Variants in GAB2 observed in about 807,000 individuals in gnomAD.
The protein encoded by GAB2 is GRB2 associated binding protein 2, also known as GRB2-associated-binding protein 2.
GAB2 carries 26 observed loss-of-function variants against 65.5 expected under a neutral mutation model. The ratio of observed to expected loss-of-function variants is 0.40; its 90% CI spans 0.29 to 0.55. The LOEUF (loss-of-function observed/expected upper bound fraction) is 0.55. GAB2 is among the 20% of genes least tolerant of loss of function. The pLI is 0.53. For missense variants in GAB2, 884 were observed against 875.8 expected (o/e 1.01, Z -0.12); for synonymous variants, 321 against 329.6 (o/e 0.97, Z 0.28).
chr11:78,405,354 C>A (rs1403121447), intron 1 of GAB2, among the ~76,000 whole-genome samples: 1 of 152,136 alleles, frequency 6.6e-6, no homozygotes, highest in East Asian at 1.9e-4. Flanking sequence ...CTGCCTCGGC[C>A]TCCCAAAGTG....
At chr11:78,358,936 T>A (rs1856397587) in intron 1 of GAB2, among the ~76,000 whole-genome samples, 1 of 152,034 alleles carries the variant, frequency 6.6e-6, no homozygotes, top group Admixed American at 6.5e-5. Context: ...CCAAACTGAA[T>A]GTCCAAAAAT....
intron 1 of GAB2, among the ~76,000 whole-genome samples, chr11:78,352,800 A>G (rs1024069138): frequency 6.6e-6 from 1 of 152,216 alleles, no homozygotes; most frequent in African/African-American, 2.4e-5. Context: ...AAGAATGCTG[A>G]AACTTCCAGC....
intron 3 of GAB2, among the ~76,000 whole-genome samples, chr11:78,231,555 G>A (rs898832675): frequency 1.2e-4 from 19 of 152,058 alleles, no homozygotes; most frequent in African/African-American, 3.9e-4. Context: ...TCATCATATC[G>A]GCCATGCTGG....
At chr11:78,299,191 T>G (rs1866922333) in intron 1 of GAB2, among the ~76,000 whole-genome samples, 1 of 152,224 alleles carries the variant, frequency 6.6e-6, no homozygotes, top group South Asian at 2.1e-4. Flanking sequence ...ACTAGAGGAA[T>G]AAATGTATCA....
At chr11:78,246,658 C>T (rs535188901) in intron 3 of GAB2, among the ~76,000 whole-genome samples, 36 of 152,102 alleles carry the variant, frequency 2.4e-4, no homozygotes, top group African/African-American at 8.0e-4. Context: ...ACTACCAAGC[C>T]CAGCTAATTT....
intron 1 of GAB2, among the ~76,000 whole-genome samples, chr11:78,333,777 C>T (rs1855954224): frequency 6.6e-6 from 1 of 152,180 alleles, no homozygotes; most frequent in Non-Finnish European, 1.5e-5. Flanking sequence ...GCATTTGAGA[C>T]ACCTGAAGGC....
intron 1 of GAB2, among the ~76,000 whole-genome samples, chr11:78,291,556 T>TTTTC (rs1565145557): frequency 1.7e-4 from 9 of 52,832 alleles, no homozygotes; most frequent in Non-Finnish European, 2.3e-4. Context: ...TACTTTTTTC[T>TTTTC]TTTTCTTTTT....
chr11:78,316,474 T>C (rs1855608948), intron 1 of GAB2, among the ~76,000 whole-genome samples: 1 of 152,038 alleles, frequency 6.6e-6, no homozygotes, highest in Admixed American at 6.6e-5. Flanking sequence ...TAACTAAAAA[T>C]TGACAAAGGA....
At chr11:78,247,085 G>T (rs187403934) in intron 3 of GAB2, among the ~76,000 whole-genome samples, 71 of 152,268 alleles carry the variant, frequency 4.7e-4, no homozygotes, top group Non-Finnish European at 7.1e-4. Flanking sequence ...GAAAGATGGG[G>T]TTTTTTATGA....
rs530080660 is a variant in GAB2, at chr11:78,308,088, G to A, written c.76-27187C>T. Among the ~76,000 whole-genome samples, 9 of 152,212 alleles carry A rather than the reference G, an allele frequency of 5.9e-5. No individual in the cohort carries two copies. The South Asian group carries it at 8.3e-4, about 14-fold the overall frequency. ...TGGAACTCCAAATCCTTGGGCCTTC[G>A]GACATCGGAACTCCAGATGCTTGGG... On this transcript the variant is annotated intron_variant, in intron 1 of 9. Transcript: ENST00000361507.
At chr11:78,220,516 T>G in intron 8 of GAB2, 72 bp from the exon 9 acceptor site, 3 of 1,357,768 alleles carry the variant, frequency 2.2e-6, no homozygotes, top group Non-Finnish European at 2.0e-6. Flanking sequence ...AAAACACCTC[T>G]GGGAGTAAGA....
intron 1 of GAB2, among the ~76,000 whole-genome samples, chr11:78,365,256 A>G (rs1413906100): frequency 6.6e-6 from 1 of 152,194 alleles, no homozygotes; most frequent in Admixed American, 6.5e-5. Context: ...AGGCATTAGA[A>G]TCCAGCTCAC....
chr11:78,240,317 C>T (rs1865093040), intron 3 of GAB2, among the ~76,000 whole-genome samples: 1 of 152,050 alleles, frequency 6.6e-6, no homozygotes, highest in African/African-American at 2.4e-5. Context: ...GCACACTGTC[C>T]CCTGGGGAAT....
chr11:78,412,158 A>G (rs1188168610), intron 1 of GAB2, among the ~76,000 whole-genome samples: 3 of 152,076 alleles, frequency 2.0e-5, no homozygotes, highest in African/African-American at 4.8e-5. Flanking sequence ...AAACCTATAT[A>G]TAAAATACTC....
intron 1 of GAB2, among the ~76,000 whole-genome samples, chr11:78,364,876 C>T (rs899746607): frequency 6.6e-6 from 1 of 152,038 alleles, no homozygotes; most frequent in African/African-American, 2.4e-5. Context: ...GGAAAAGCTT[C>T]CCAGGTAATA....
At chr11:78,219,457 C>A in intron 9 of GAB2, 42 bp from the exon 10 acceptor site, 1 of 1,595,180 alleles carries the variant, frequency 6.3e-7, no homozygotes, top group East Asian at 2.2e-5. Context: ...CTGTGAGTTA[C>A]CAGTTAGGTG....
At chr11:78,293,462 G>C (rs1246778634) in intron 1 of GAB2, among the ~76,000 whole-genome samples, 6 of 152,106 alleles carry the variant, frequency 3.9e-5, no homozygotes, top group Admixed American at 3.9e-4. Context: ...AAACCTCTCA[G>C]TCAGATGATC....
intron 2 of GAB2, among the ~76,000 whole-genome samples, chr11:78,254,462 C>A (rs1455523202): frequency 1.3e-5 from 2 of 152,128 alleles, no homozygotes; most frequent in Admixed American, 1.3e-4. Flanking sequence ...TTCTACTCTA[C>A]CAGCACAAAG....
At chr11:78,336,145 C>T (rs1319037999) in intron 1 of GAB2, among the ~76,000 whole-genome samples, 1 of 151,688 alleles carries the variant, frequency 6.6e-6, no homozygotes, top group Non-Finnish European at 1.5e-5. Flanking sequence ...GAAATCCTAT[C>T]TCTACTAAAA....
Sources: gnomAD v4.1 joint callset for allele counts (sites outside exome capture counted in the v4.1 genomes callset) on GRCh38, gnomAD v4.1.1 for gene constraint, MANE v1.5 for transcripts, NCBI Gene and HGNC (gene_info 2026-07-23, HGNC 2026-07-21) for gene names.